Variants in UNC5C observed in about 807,000 individuals in gnomAD.
The protein encoded by UNC5C is unc-5 netrin receptor C, also known as netrin receptor UNC5C.
Under a neutral mutation model 99.8 loss-of-function variants are expected in UNC5C, and 47 were observed. The observed-to-expected ratio is 0.47, with a 90% CI of 0.37 to 0.60. The LOEUF (loss-of-function observed/expected upper bound fraction) is 0.60, where lower values mean the gene tolerates loss of function less well. UNC5C is among the 20% of genes least tolerant of loss of function. UNC5C has a pLI of 0.00. For synonymous variants in UNC5C, 487 were observed against 452.2 expected (o/e 1.08, Z -0.98); for missense variants, 1,062 against 1,165.9 (o/e 0.91, Z 1.30).
intron 1 of UNC5C, among the ~76,000 whole-genome samples, chr4:95,454,874 A>G (rs556043606): frequency 6.6e-6 from 1 of 152,258 alleles, no homozygotes; most frequent in South Asian, 2.1e-4. Flanking sequence ...AAGATCGCTG[A>G]ACATTTCTAA....
At chr4:95,448,215 T>A (rs1258773764) in intron 1 of UNC5C, among the ~76,000 whole-genome samples, 25 of 93,840 alleles carry the variant, frequency 2.7e-4, no homozygotes, top group Admixed American at 2.1e-4. Context: ...TGTGTGTGTG[T>A]GTGTGTGTGT....
At chr4:95,273,819 C>T (rs1053862759) in intron 4 of UNC5C, among the ~76,000 whole-genome samples, 2 of 152,044 alleles carry the variant, frequency 1.3e-5, no homozygotes, top group African/African-American at 4.8e-5. Flanking sequence ...GCCTTGGTTC[C>T]TGGTCCTAGT....
chr4:95,205,976 C>T (rs564444162), intron 11 of UNC5C, among the ~76,000 whole-genome samples: 2 of 151,268 alleles, frequency 1.3e-5, no homozygotes, highest in South Asian at 4.2e-4. Flanking sequence ...TTCTGACCTG[C>T]AAATTATATA....
At chr4:95,204,298 A>C (rs574366118) in intron 11 of UNC5C, among the ~76,000 whole-genome samples, 1 of 152,242 alleles carries the variant, frequency 6.6e-6, no homozygotes, top group Non-Finnish European at 1.5e-5. Context: ...GCCACAGAAT[A>C]TATCAGCTGA....
In UNC5C at chr4:95,374,533, A is replaced by G. The variant is rs772902421; in HGVS notation, c.125-38902T>C. ...CAGAATCAGGGATTTACACACTGAC[A>G]GCAAGGCTTCTACTTGAGAGGACAG... is the stretch of plus-strand genomic sequence containing the variant. On this transcript the variant is annotated intron_variant, in intron 1 of 15. Coordinates refer to ENST00000453304, the MANE Select transcript of UNC5C (RefSeq NM_003728.4). Among the ~76,000 whole-genome samples the G allele has an allele frequency of 1.6e-4, 25 of 152,128 alleles. 1 individual carries two copies. The highest frequency in any genetic ancestry group is 3.4e-4 in the Non-Finnish European group (23 of 68,032).
intron 1 of UNC5C, among the ~76,000 whole-genome samples, chr4:95,448,887 A>G (rs1254498189): frequency 1.3e-5 from 2 of 152,180 alleles, no homozygotes; most frequent in Non-Finnish European, 2.9e-5. Flanking sequence ...ACTTGAAAAC[A>G]GAAGTAGTTA....
Position 95,548,950 on chromosome 4 carries a change from C to T in UNC5C, c.-93G>A. 4 of 1,499,514 alleles carry T rather than the reference C, an allele frequency of 2.7e-6. No individual in the cohort carries two copies. The highest frequency in any genetic ancestry group is 3.6e-6 in the Non-Finnish European group (4 of 1,101,096). 92.9% of individuals were successfully genotyped at this position (1,499,514 alleles called of 1,614,324 possible). ...CTGGGCAGAAGCTGAATCCGTGCACCGCGAAGCAGTCCGAAGAAATAACGA... is the reference window on the plus strand; with the variant it reads ...CTGGGCAGAAGCTGAATCCGTGCACTGCGAAGCAGTCCGAAGAAATAACGA... On this transcript the variant is annotated 5_prime_UTR_variant, in exon 1 of 16. Transcript: ENST00000453304.
intron 8 of UNC5C, 71 bp downstream of exon 8, chr4:95,219,914 C>T (rs1357887082): frequency 6.6e-7 from 1 of 1,518,530 alleles, no homozygotes; most frequent in Admixed American, 1.9e-5. Flanking sequence ...AATGAGATGA[C>T]TCTAAAGTCA....
intron 12 of UNC5C, among the ~76,000 whole-genome samples, chr4:95,192,411 C>G (rs1424593673): frequency 1.4e-4 from 17 of 119,648 alleles, no homozygotes; most frequent in Admixed American, 1.1e-3. Context: ...CCTCCTCCCC[C>G]CTTCTCACCT....
chr4:95,376,568 C>G (rs777045391), intron 1 of UNC5C, among the ~76,000 whole-genome samples: 1 of 152,098 alleles, frequency 6.6e-6, no homozygotes, highest in Non-Finnish European at 1.5e-5. Flanking sequence ...GTTATAAGAA[C>G]CTCTTGAAAT....
rs1180330785 is a variant in UNC5C, at chr4:95,536,082, A to ATATATATATATATTTTT, written c.124+12651_124+12652insAAAAATATATATATATA. 6.4e-5 allele frequency among the ~76,000 whole-genome samples: 5 copies of ATATATATATATATTTTT among 78,452 alleles called. No individual in the cohort carries two copies. In the East Asian group the frequency reaches 1.1e-3, roughly 18 times the overall value. The allele number at this position is 78,452 out of a possible 152,430, so 51.5% of individuals were successfully genotyped here. A position where few individuals can be genotyped will look rare whatever the true frequency, so the allele number is the denominator to read the frequency against. ...CATACATATATATATATATATATAT[A>ATATATATATATATTTTT]TTTTTTTTTTTTGAGATGGAGTCTC... is the stretch of plus-strand genomic sequence containing the variant. On this transcript the variant is annotated intron_variant, in intron 1 of 15. Coordinates refer to ENST00000453304, the MANE Select transcript of UNC5C (RefSeq NM_003728.4).
intron 14 of UNC5C, among the ~76,000 whole-genome samples, chr4:95,176,822 C>CG (rs1461432195): frequency 2.0e-5 from 3 of 152,192 alleles, no homozygotes; most frequent in Non-Finnish European, 4.4e-5. Flanking sequence ...TGGGCAATGG[C>CG]GGGGGCCCCT....
rs1004130494 is a variant in UNC5C, at chr4:95,168,450, A to C, written c.*784T>G. On this transcript the variant is annotated 3_prime_UTR_variant, in exon 16 of 16. Transcript: ENST00000453304. ...ATAATAATAATACCTTTAAAAAAAA[A>C]CACTTCATATTGCATATTACAAACA... 1.3e-5 allele frequency: 2 copies of C among 152,572 alleles called. No individual in the cohort carries two copies. Among genetic ancestry groups the C allele is most frequent in the African/African-American group, 2.4e-5 (1 of 41,418 alleles). The allele number at this position is 152,572 out of a possible 1,614,324, so 9.5% of individuals were successfully genotyped here. A position where few individuals can be genotyped will look rare whatever the true frequency, so the allele number is the denominator to read the frequency against.
chr4:95,357,927 G>A (rs907674163), intron 1 of UNC5C, among the ~76,000 whole-genome samples: 22 of 151,994 alleles, frequency 1.4e-4, no homozygotes, highest in Admixed American at 6.6e-5. Flanking sequence ...CAGATAAATG[G>A]GATAATGCTA....
chr4:95,358,694 A>G (rs1478752501), intron 1 of UNC5C, among the ~76,000 whole-genome samples: 3 of 152,124 alleles, frequency 2.0e-5, no homozygotes, highest in Non-Finnish European at 4.4e-5. Flanking sequence ...AACTAATTAA[A>G]TCTGGACAAG....
At chr4:95,434,405 A>G (rs181340260) in intron 1 of UNC5C, among the ~76,000 whole-genome samples, 25 of 152,228 alleles carry the variant, frequency 1.6e-4, no homozygotes, top group South Asian at 1.2e-3. Context: ...ACAGATACAT[A>G]TAATACAGTC....
intron 4 of UNC5C, among the ~76,000 whole-genome samples, chr4:95,272,843 G>T (rs1465341336): frequency 6.6e-6 from 1 of 152,178 alleles, no homozygotes; most frequent in Admixed American, 6.5e-5. Flanking sequence ...AGAGTGTAAA[G>T]CACCACTCTG....
intron 1 of UNC5C, among the ~76,000 whole-genome samples, chr4:95,382,570 A>G (rs77142988): frequency 0.011 from 1,748 of 152,262 alleles, 37 homozygotes; most frequent in African/African-American, 0.04. Flanking sequence ...GCTTATATTA[A>G]TATATGAGAA....
chr4:95,240,192 C>G (rs770373857), intron 7 of UNC5C, among the ~76,000 whole-genome samples: 1 of 152,128 alleles, frequency 6.6e-6, no homozygotes, highest in African/African-American at 2.4e-5. Flanking sequence ...CTTTTCTACT[C>G]CCATTCTTTT....
Sources: gnomAD v4.1 joint callset for allele counts (sites outside exome capture counted in the v4.1 genomes callset) on GRCh38, gnomAD v4.1.1 for gene constraint, MANE v1.5 for transcripts, NCBI Gene and HGNC (gene_info 2026-07-23, HGNC 2026-07-21) for gene names.